Variants in FMN2 observed in about 807,000 individuals in gnomAD.
The protein encoded by FMN2 is formin-2.
Under a neutral mutation model 142.3 loss-of-function variants are expected in FMN2, and 51 were observed. The ratio of observed to expected loss-of-function variants is 0.36; its 90% CI spans 0.29 to 0.45. The LOEUF (loss-of-function observed/expected upper bound fraction) is 0.45. Among genes scored for constraint, FMN2 ranks in the 20% least tolerant of loss-of-function variants. The pLI is 1.00. For synonymous variants in FMN2, 882 were observed against 869.8 expected (o/e 1.01, Z -0.25); for missense variants, 1,936 against 2,122.8 (o/e 0.91, Z 1.73).
At chr1:240,266,248 A>G (rs1181157314) in intron 7 of FMN2, among the ~76,000 whole-genome samples, 2 of 151,676 alleles carry the variant, frequency 1.3e-5, no homozygotes, top group Admixed American at 1.3e-4. Flanking sequence ...TGTGTACCCA[A>G]TGTTTAGCTC....
At chr1:240,293,358 A>G (rs1222289158) in intron 7 of FMN2, among the ~76,000 whole-genome samples, 2 of 152,138 alleles carry the variant, frequency 1.3e-5, no homozygotes, top group African/African-American at 4.8e-5. Context: ...CATGTAGAGA[A>G]TTACTGGATT....
intron 7 of FMN2, among the ~76,000 whole-genome samples, chr1:240,288,030 G>A (rs1434902158): frequency 6.6e-6 from 1 of 152,184 alleles, no homozygotes; most frequent in Non-Finnish European, 1.5e-5. Context: ...CAATCAGAGT[G>A]ATCTCAAAGA....
chr1:240,296,807 G>A (rs1383646650), intron 8 of FMN2, among the ~76,000 whole-genome samples: 2 of 152,152 alleles, frequency 1.3e-5, no homozygotes, highest in African/African-American at 2.4e-5. Context: ...TAAGCATGGT[G>A]AGCATAAGCA....
intron 8 of FMN2, among the ~76,000 whole-genome samples, chr1:240,327,341 G>A (rs888080693): frequency 3.1e-4 from 47 of 152,092 alleles, no homozygotes; most frequent in Non-Finnish European, 4.6e-4. Flanking sequence ...GTCTTTGTTA[G>A]TTAATCCTAT....
At chr1:240,385,354 G>A (rs934020277) in intron 14 of FMN2, among the ~76,000 whole-genome samples, 1 of 152,144 alleles carries the variant, frequency 6.6e-6, no homozygotes, top group Non-Finnish European at 1.5e-5. Flanking sequence ...CCTGGTATTA[G>A]TAAGTATGTA....
chr1:240,166,896 C>A (rs539783508), intron 2 of FMN2, among the ~76,000 whole-genome samples: 2 of 152,064 alleles, frequency 1.3e-5, no homozygotes, highest in Non-Finnish European at 2.9e-5. Context: ...CCGAGGCAGG[C>A]GGATAACCTG....
chr1:240,195,453 T>C (rs976465851), intron 4 of FMN2, among the ~76,000 whole-genome samples: 3 of 152,222 alleles, frequency 2.0e-5, no homozygotes, highest in South Asian at 2.1e-4. Flanking sequence ...CAAAAACACA[T>C]GTCAGATAAG....
At chr1:240,153,991 C>T (rs1398538491) in intron 2 of FMN2, among the ~76,000 whole-genome samples, 1 of 151,258 alleles carries the variant, frequency 6.6e-6, no homozygotes, top group East Asian at 2.0e-4. Flanking sequence ...TGGTGCATGC[C>T]TGTAATCACA....
At chr1:240,420,271 G>A (rs537560758) in intron 15 of FMN2, among the ~76,000 whole-genome samples, 34 of 152,218 alleles carry the variant, frequency 2.2e-4, no homozygotes, top group African/African-American at 7.5e-4. Context: ...AATGCATGCT[G>A]GTGTGCCTAC....
At chr1:240,341,199 C>A (rs1338301663) in intron 13 of FMN2, among the ~76,000 whole-genome samples, 1 of 152,078 alleles carries the variant, frequency 6.6e-6, no homozygotes, top group African/African-American at 2.4e-5. Flanking sequence ...TTATCATATT[C>A]ATTTTCCCTC....
chr1:240,301,683 TATCCCAA>T (rs1415158181), intron 8 of FMN2, among the ~76,000 whole-genome samples: 1 of 151,936 alleles, frequency 6.6e-6, no homozygotes, highest in Non-Finnish European at 1.5e-5. Flanking sequence ...ATAATAAAGA[TATCCCAA>T]TTACCTCCGA....
intron 8 of FMN2, among the ~76,000 whole-genome samples, chr1:240,295,734 A>C (rs1031440909): frequency 6.6e-6 from 1 of 152,216 alleles, no homozygotes; most frequent in Non-Finnish European, 1.5e-5. Flanking sequence ...ATGAAAGTAC[A>C]GATATCTCTT....
At chr1:240,209,882 C>CG (rs1199899973) in intron 5 of FMN2, among the ~76,000 whole-genome samples, 1 of 151,640 alleles carries the variant, frequency 6.6e-6, no homozygotes, top group Non-Finnish European at 1.5e-5. Flanking sequence ...CCAGCCTGGG[C>CG]GACAGAGCGA....
chr1:240,306,381 C>T (rs1238412788), intron 8 of FMN2, among the ~76,000 whole-genome samples: 1 of 152,206 alleles, frequency 6.6e-6, no homozygotes, highest in Non-Finnish European at 1.5e-5. Context: ...AACCCAGAAG[C>T]TGAACATAGT....
At chr1:240,362,483 A>G (rs529210445) in intron 14 of FMN2, among the ~76,000 whole-genome samples, 4 of 152,288 alleles carry the variant, frequency 2.6e-5, no homozygotes, top group East Asian at 3.9e-4. Flanking sequence ...TTTTCCTAAT[A>G]TATCTCTCAG....
At chr1:240,118,162 A>G (rs922426566) in intron 1 of FMN2, among the ~76,000 whole-genome samples, 8 of 151,500 alleles carry the variant, frequency 5.3e-5, no homozygotes, top group Non-Finnish European at 1.0e-4. Context: ...TGGCTCTTGC[A>G]TCTGGTGAGT....
intron 13 of FMN2, among the ~76,000 whole-genome samples, chr1:240,335,584 A>T (rs1454457313): frequency 6.6e-6 from 1 of 152,068 alleles, no homozygotes; most frequent in Non-Finnish European, 1.5e-5. Context: ...TTCAATCAAT[A>T]GTTCAGTCTT....
intron 13 of FMN2, among the ~76,000 whole-genome samples, chr1:240,347,719 C>T (rs986792585): frequency 6.6e-6 from 1 of 152,108 alleles, no homozygotes; most frequent in African/African-American, 2.4e-5. Context: ...TAGACCCCAG[C>T]GTTGATCGCG....
Position 240,173,353 on chromosome 1 carries a change from T to C in FMN2, c.1783-4568T>C, listed in dbSNP as rs1421727538. On this transcript the variant is annotated intron_variant, in intron 2 of 17. Coordinates refer to ENST00000319653, the MANE Select transcript of FMN2 (RefSeq NM_020066.5). ...GCAGTCAATTTGAGGAAACATGATA[T>C]ACACTCAGGACTAGGGGACAAGCCA... Among the ~76,000 whole-genome samples, 3 of 152,270 alleles carry C rather than the reference T, an allele frequency of 2.0e-5. No homozygotes were observed. In the East Asian group the frequency reaches 5.8e-4, roughly 29 times the overall value.
Sources: gnomAD v4.1 joint callset for allele counts (sites outside exome capture counted in the v4.1 genomes callset) on GRCh38, gnomAD v4.1.1 for gene constraint, MANE v1.5 for transcripts, NCBI Gene and HGNC (gene_info 2026-07-23, HGNC 2026-07-21) for gene names.